The following PPM1H variants were observed in gnomAD, a reference collection of about 807,000 sequenced individuals.
PPM1H encodes the protein protein phosphatase, Mg2+/Mn2+ dependent 1H.
A neutral mutation model predicts 54.9 loss-of-function variants in PPM1H; 27 were observed. The ratio of observed to expected loss-of-function variants is 0.49; its 90% CI spans 0.36 to 0.68. PPM1H has a LOEUF of 0.68. Ranked by LOEUF, PPM1H falls within the 30% of genes least tolerant of loss-of-function variation. The probability of loss-of-function intolerance (pLI) is 0.00; values close to 1 mark genes in which losing one functional copy is unlikely to be tolerated. For missense variants in PPM1H, 596 were observed against 667.8 expected (o/e 0.89, Z 1.19); for synonymous variants, 305 against 270.8 (o/e 1.13, Z -1.24).
At chr12:62,794,172 C>A (rs2076717787) in intron 3 of PPM1H, among the ~76,000 whole-genome samples, 2 of 152,208 alleles carry the variant, frequency 1.3e-5, no homozygotes, top group African/African-American at 4.8e-5. Flanking sequence ...CTGCCGGCTG[C>A]TGGTGGAATC....
At chr12:62,794,793 A>G (rs2076722527) in intron 3 of PPM1H, among the ~76,000 whole-genome samples, 1 of 152,162 alleles carries the variant, frequency 6.6e-6, no homozygotes, top group Non-Finnish European at 1.5e-5. Context: ...GACTTAGAAG[A>G]CACTTGTCTT....
chr12:62,698,052 CT>C (rs1367700852), intron 6 of PPM1H, among the ~76,000 whole-genome samples: 1 of 151,718 alleles, frequency 6.6e-6, no homozygotes, highest in African/African-American at 2.4e-5. Context: ...CCATTAAATA[CT>C]TTTTTAAAGT....
At chr12:62,897,146 T>C (rs957431759) in intron 1 of PPM1H, among the ~76,000 whole-genome samples, 15 of 151,722 alleles carry the variant, frequency 9.9e-5, no homozygotes, top group Non-Finnish European at 1.9e-4. Flanking sequence ...AAATACCTAA[T>C]GTAAATGACG....
chr12:62,799,839 G>T (rs147331977), intron 3 of PPM1H, among the ~76,000 whole-genome samples: 3 of 152,262 alleles, frequency 2.0e-5, no homozygotes, highest in African/African-American at 7.2e-5. Flanking sequence ...AACCTGATCT[G>T]GGCTAGGTCA....
At chr12:62,678,240 C>A (rs2075998837) in intron 8 of PPM1H, among the ~76,000 whole-genome samples, 1 of 152,210 alleles carries the variant, frequency 6.6e-6, no homozygotes, top group Non-Finnish European at 1.5e-5. Flanking sequence ...AGTCACCATG[C>A]CCAGGATTTG....
At chr12:62,745,891 T>C (rs73314515) in intron 4 of PPM1H, among the ~76,000 whole-genome samples, 5,222 of 152,196 alleles carry the variant, frequency 0.034, 302 homozygotes, top group African/African-American at 0.12. Context: ...TTGTTAATCT[T>C]AGCCATATAA....
intron 9 of PPM1H, among the ~76,000 whole-genome samples, chr12:62,657,111 T>TGTCA (rs1235062086): frequency 6.6e-6 from 1 of 152,108 alleles, no homozygotes; most frequent in Non-Finnish European, 1.5e-5. Flanking sequence ...TCTGCAGTGC[T>TGTCA]GTCACTGGGC....
intron 1 of PPM1H, among the ~76,000 whole-genome samples, chr12:62,869,708 T>C (rs1001733841): frequency 6.6e-6 from 1 of 152,196 alleles, no homozygotes; most frequent in African/African-American, 2.4e-5. Flanking sequence ...AATTCAAAGT[T>C]CCGTAACCTG....
chr12:62,793,490 C>G (rs1565790219), intron 3 of PPM1H, among the ~76,000 whole-genome samples: 1 of 151,690 alleles, frequency 6.6e-6, no homozygotes, highest in Non-Finnish European at 1.5e-5. Flanking sequence ...TTTGGGAGGC[C>G]GAGGCAGGCA....
intron 2 of PPM1H, among the ~76,000 whole-genome samples, chr12:62,827,274 T>C (rs1336689619): frequency 6.6e-6 from 1 of 152,158 alleles, no homozygotes; most frequent in African/African-American, 2.4e-5. Context: ...TGGCTGAGCC[T>C]GGTACCTTCA....
At chr12:62,693,384 G>A (rs1366501485) in intron 7 of PPM1H, among the ~76,000 whole-genome samples, 1 of 152,152 alleles carries the variant, frequency 6.6e-6, no homozygotes, top group African/African-American at 2.4e-5. Flanking sequence ...TTACAGTGAC[G>A]CTTTGGACTC....
rs1185723709 is a variant in PPM1H, at chr12:62,934,299, C to T, written c.245+193G>A. 6.6e-6 allele frequency among the ~76,000 whole-genome samples: 1 copy of T among 152,192 alleles called. No individual in the cohort carries two copies. Among genetic ancestry groups the T allele is most frequent in the African/African-American group, 2.4e-5 (1 of 41,448 alleles). ...CATACCGGGGCTGGAGACGCCGCGT[C>T]CTTGGGCTGGGGGAAGAGGGAGTGG... On this transcript the variant is annotated intron_variant, in intron 1 of 9. Transcript: ENST00000228705. The surrounding 1 kb of genome is among the most constrained non-coding windows in gnomAD (Gnocchi z 4.2).
intron 8 of PPM1H, among the ~76,000 whole-genome samples, chr12:62,682,382 C>T (rs1318644875): frequency 3.3e-5 from 5 of 152,132 alleles, no homozygotes; most frequent in African/African-American, 4.8e-5. Context: ...TGTTCTTTCT[C>T]CAAATGGGAT....
At chr12:62,924,569 C>G (rs1173678377) in intron 1 of PPM1H, among the ~76,000 whole-genome samples, 5 of 152,210 alleles carry the variant, frequency 3.3e-5, no homozygotes, top group Non-Finnish European at 7.3e-5. Flanking sequence ...CTATCATCCA[C>G]TGGTCTTATT....
At chr12:62,723,946 ACTC>A (rs2076276579) in intron 5 of PPM1H, among the ~76,000 whole-genome samples, 1 of 151,856 alleles carries the variant, frequency 6.6e-6, no homozygotes. Flanking sequence ...AATTCCCCTT[ACTC>A]CTCCTCTAAA....
chr12:62,852,537 T>C (rs1869234753), intron 1 of PPM1H, among the ~76,000 whole-genome samples: 1 of 152,130 alleles, frequency 6.6e-6, no homozygotes. Flanking sequence ...TAAGAAATAA[T>C]AAAGAAATGT....
intron 4 of PPM1H, among the ~76,000 whole-genome samples, chr12:62,776,649 C>G (rs1331454726): frequency 1.3e-5 from 2 of 152,182 alleles, no homozygotes; most frequent in African/African-American, 4.8e-5. Context: ...AAGGTATTTT[C>G]TGGAGGGGTG....
intron 2 of PPM1H, among the ~76,000 whole-genome samples, chr12:62,822,984 T>G (rs1232840854): frequency 6.6e-6 from 1 of 151,912 alleles, no homozygotes; most frequent in African/African-American, 2.4e-5. Flanking sequence ...TCAACAGAAT[T>G]GATAGACTGC....
At chr12:62,915,764 T>C (rs1420347784) in intron 1 of PPM1H, among the ~76,000 whole-genome samples, 1 of 152,224 alleles carries the variant, frequency 6.6e-6, no homozygotes, top group African/African-American at 2.4e-5. Flanking sequence ...CACCCACTCT[T>C]TCTGTAAGAA....
Sources: allele counts gnomAD v4.1 joint callset (sites outside exome capture counted in the v4.1 genomes callset), GRCh38; gene constraint gnomAD v4.1.1; non-coding constraint Gnocchi (gnomAD v3.1); transcripts MANE v1.5; gene names NCBI Gene and HGNC (gene_info 2026-07-23, HGNC 2026-07-21).